The following IL1RAPL1 variants were observed in gnomAD, a reference collection of about 807,000 sequenced individuals.
The protein encoded by IL1RAPL1 is interleukin-1 receptor accessory protein-like 1.
IL1RAPL1 carries 3 observed loss-of-function variants against 48.4 expected under a neutral mutation model. That is an observed-to-expected ratio of 0.06 (90% confidence interval 0.03 to 0.16). The LOEUF (loss-of-function observed/expected upper bound fraction) is 0.16. IL1RAPL1 is among the 10% of genes least tolerant of loss of function. The probability of loss-of-function intolerance (pLI) is 1.00; values close to 1 mark genes in which losing one functional copy is unlikely to be tolerated. For synonymous variants in IL1RAPL1, 185 were observed against 187.7 expected (o/e 0.99, Z 0.12); for missense variants, 349 against 530.6 (o/e 0.66, Z 3.36).
chrX:28,713,573 C>G (rs1935466330), intron 1 of IL1RAPL1, among the ~76,000 whole-genome samples: 1 of 111,121 alleles, frequency 9.0e-6, no homozygotes, highest in African/African-American at 3.3e-5. Context: ...CTCATGGCAA[C>G]TTACAGCAGG....
chrX:29,881,966 T>C (rs1229968547), intron 6 of IL1RAPL1, among the ~76,000 whole-genome samples: 1 of 111,582 alleles, frequency 9.0e-6, no homozygotes. Context: ...GACAATTGGT[T>C]CTATAGAGGG....
At chrX:28,589,174 T>C (rs1288766258) in intron 1 of IL1RAPL1, among the ~76,000 whole-genome samples, 1 of 111,300 alleles carries the variant, frequency 9.0e-6, no homozygotes, top group Admixed American at 9.6e-5. Flanking sequence ...TCTCACCTGG[T>C]AGATTGATCC....
intron 5 of IL1RAPL1, among the ~76,000 whole-genome samples, chrX:29,498,492 TC>T (rs1935238040): frequency 8.9e-6 from 1 of 111,965 alleles, no homozygotes; most frequent in African/African-American, 3.2e-5. Context: ...TTACGCTTAG[TC>T]CTCTTCTTCT....
chrX:29,902,884 A>C (rs1932522814), intron 6 of IL1RAPL1, among the ~76,000 whole-genome samples: 1 of 111,569 alleles, frequency 9.0e-6, no homozygotes, highest in Non-Finnish European at 1.9e-5. Flanking sequence ...ATGGTTAGCA[A>C]ATTTAAAATT....
intron 6 of IL1RAPL1, among the ~76,000 whole-genome samples, chrX:29,732,489 C>T (rs551135671): frequency 1.2e-4 from 13 of 111,721 alleles, no homozygotes; most frequent in African/African-American, 4.2e-4. Flanking sequence ...ACTCATGGCA[C>T]CTCCCTTTGA....
intron 5 of IL1RAPL1, among the ~76,000 whole-genome samples, chrX:29,633,498 CACACAT>C (rs775307463): frequency 9.0e-4 from 97 of 108,158 alleles, no homozygotes; most frequent in African/African-American, 3.2e-3. Context: ...CACACACACA[CACACAT>C]ATATATGATA....
At chrX:29,475,064 G>A (rs1934959065) in intron 5 of IL1RAPL1, among the ~76,000 whole-genome samples, 1 of 112,275 alleles carries the variant, frequency 8.9e-6, no homozygotes, top group South Asian at 3.7e-4. Flanking sequence ...ATGCCTGTTA[G>A]ATGCTCCAGA....
intron 5 of IL1RAPL1, among the ~76,000 whole-genome samples, chrX:29,509,526 A>T (rs768753873): frequency 8.9e-6 from 1 of 112,592 alleles, no homozygotes; most frequent in African/African-American, 3.2e-5. Flanking sequence ...AATTGCTACA[A>T]TTGAGAAATG....
rs752658928 is a variant in IL1RAPL1, at chrX:29,772,523, T to G, written c.778+104019T>G. 2.7e-5 allele frequency among the ~76,000 whole-genome samples: 3 copies of G among 112,010 alleles called. No homozygotes were observed. In the Admixed American group the frequency reaches 2.8e-4, roughly 11 times the overall value. ...TATAAGTGTCCTTCTTCCCATCTTT[T>G]TATTTGAACTTCTGAGGGTCTGCGG... On this transcript the variant is annotated intron_variant, in intron 6 of 10. Transcript: ENST00000378993.
chrX:29,641,183 CAAACAAA>C, intron 5 of IL1RAPL1, among the ~76,000 whole-genome samples: 1 of 89,821 alleles, frequency 1.1e-5, no homozygotes, highest in African/African-American at 9.0e-5. Context: ...AATAAACAAA[CAAACAAA>C]CAAACAAACA....
intron 2 of IL1RAPL1, among the ~76,000 whole-genome samples, chrX:28,869,049 G>T (rs1922144258): frequency 8.9e-6 from 1 of 112,556 alleles, no homozygotes; most frequent in African/African-American, 3.2e-5. Context: ...ACTATGAGGA[G>T]AATTTATTAA....
chrX:29,127,935 G>A (rs1268038398), intron 2 of IL1RAPL1, among the ~76,000 whole-genome samples: 1 of 106,046 alleles, frequency 9.4e-6, no homozygotes, highest in African/African-American at 3.4e-5. Context: ...CTGCACTCCA[G>A]TCTGGGAGAC....
intron 2 of IL1RAPL1, among the ~76,000 whole-genome samples, chrX:29,110,002 C>T (rs1207198616): frequency 6.3e-5 from 7 of 111,992 alleles, no homozygotes; most frequent in African/African-American, 2.3e-4. Flanking sequence ...CTTTAAGCAA[C>T]TTTTTAAGCC....
chrX:28,963,631 T>A (rs1369480930), intron 2 of IL1RAPL1, among the ~76,000 whole-genome samples: 1 of 111,031 alleles, frequency 9.0e-6, no homozygotes, highest in Non-Finnish European at 1.9e-5. Flanking sequence ...ACACCGAGGA[T>A]CCTTAAATAT....
intron 3 of IL1RAPL1, among the ~76,000 whole-genome samples, chrX:29,316,354 C>T (rs1932770466): frequency 8.9e-6 from 1 of 111,891 alleles, no homozygotes; most frequent in African/African-American, 3.2e-5. Flanking sequence ...GTCATCCAAA[C>T]TTCCCTCTTT....
chrX:29,235,072 T>C (rs910700463), intron 2 of IL1RAPL1, among the ~76,000 whole-genome samples: 11 of 111,885 alleles, frequency 9.8e-5, no homozygotes, highest in African/African-American at 3.6e-4. Flanking sequence ...TAAATGACCT[T>C]GAGCAAGTTT....
In IL1RAPL1 at chrX:29,109,736, T is replaced by G. The variant is rs761588748; in HGVS notation, c.83-173202T>G. On this transcript the variant is annotated intron_variant, in intron 2 of 10. Coordinates refer to ENST00000378993, the MANE Select transcript of IL1RAPL1 (RefSeq NM_014271.4). ...AAAAGAATATCTAAGTTCAATGATATTCTTTTAGTTTATCTCTCACTGTCA... is the reference window on the plus strand; with the variant it reads ...AAAAGAATATCTAAGTTCAATGATAGTCTTTTAGTTTATCTCTCACTGTCA... Among the ~76,000 whole-genome samples the G allele has an allele frequency of 6.3e-5, 7 of 111,872 alleles. No individual in the cohort carries two copies. The Admixed American group carries it at 6.7e-4, about 11-fold the overall frequency.
At chrX:28,731,410 A>C (rs764494896) in intron 1 of IL1RAPL1, among the ~76,000 whole-genome samples, 2 of 111,796 alleles carry the variant, frequency 1.8e-5, no homozygotes, top group Non-Finnish European at 3.8e-5. Context: ...TTTTGTTGCC[A>C]TGATAACTTC....
chrX:28,929,049 A>G (rs1056932791), intron 2 of IL1RAPL1, among the ~76,000 whole-genome samples: 2 of 111,963 alleles, frequency 1.8e-5, no homozygotes, highest in African/African-American at 3.2e-5. Context: ...AAATTTCCAT[A>G]TAGTCATGCA....
Sources: gnomAD v4.1 joint callset for allele counts (sites outside exome capture counted in the v4.1 genomes callset) on GRCh38, gnomAD v4.1.1 for gene constraint, MANE v1.5 for transcripts, NCBI Gene and HGNC (gene_info 2026-07-23, HGNC 2026-07-21) for gene names.